The following SLC18A2 variants were observed in gnomAD, a reference collection of about 807,000 sequenced individuals.
The protein encoded by SLC18A2 is synaptic vesicular amine transporter.
In SLC18A2, 33 loss-of-function variants were observed where a neutral mutation model predicts 59.2. That is an observed-to-expected ratio of 0.56 (90% CI 0.42 to 0.75). The LOEUF (loss-of-function observed/expected upper bound fraction) is 0.75. Among genes scored for constraint, SLC18A2 ranks in the 30% least tolerant of loss-of-function variants. The pLI is 0.00. For missense variants in SLC18A2, 569 were observed against 668.6 expected, an observed-to-expected ratio of 0.85 and a Z score of 1.64; for synonymous variants, 228 against 253.5, an observed-to-expected ratio of 0.90 and a Z score of 0.95.
intron 3 of SLC18A2, among the ~76,000 whole-genome samples, chr10:117,250,533 A>G (rs1053921348): frequency 6.6e-6 from 1 of 152,204 alleles, no homozygotes; most frequent in Admixed American, 6.5e-5. Context: ...CAGTACCTCA[A>G]ATGGTAAAAA....
At chr10:117,258,582 T>A (rs919528466) in intron 10 of SLC18A2, among the ~76,000 whole-genome samples, 6 of 151,650 alleles carry the variant, frequency 4.0e-5, no homozygotes, top group African/African-American at 1.2e-4. Context: ...TATTTTTTTT[T>A]ATCAAAGTTA....
Position 117,244,111 on chromosome 10 carries a change from G to A in SLC18A2, c.262G>A (p.Val88Ile), listed in dbSNP as rs1303704268. Residue 88 changes from valine (V) to isoleucine (I), a missense_variant, in exon 3 of 16, where the codon GTC becomes ATC. Physicochemically the swap from Val to Ile is conservative, Grantham distance 29. Around this residue, in one of 2 missense-constraint regions of SLC18A2, gnomAD observed 377 missense variants for 389.8 expected, o/e 0.97. Transcript: ENST00000644641. The part of the protein sequence containing the change: ...IFSYYDNSTM[V>I]TGNATRDLTL... ...CTCCTATTATGATAACTCGACTATG[G>A]TCACCGGGAATGCTACCAGAGACCT... The A allele has an allele frequency of 6.2e-7, 1 of 1,614,184 alleles. No individual in the cohort carries two copies. The highest frequency in any genetic ancestry group is 1.1e-5 in the South Asian group (1 of 91,078).
intron 2 of SLC18A2, 48 bp downstream of exon 2, chr10:117,241,862 C>T (rs751719509): frequency 3.9e-6 from 6 of 1,548,922 alleles, no homozygotes; most frequent in Admixed American, 1.8e-5. Flanking sequence ...GCCCCAGCGC[C>T]CCTTCCCCGG....
intron 3 of SLC18A2, among the ~76,000 whole-genome samples, chr10:117,248,519 T>C (rs921564973): frequency 6.6e-6 from 1 of 152,208 alleles, no homozygotes; most frequent in Non-Finnish European, 1.5e-5. Context: ...TGACCTGATT[T>C]CCATGTTGGA....
In SLC18A2 at chr10:117,255,578, C is replaced by T. The variant is rs893575984; in HGVS notation, c.835-19C>T. ...AGGGGGCATGGTGCTGCTTCTGACC[C>T]GTGTTTTTTTCTTGACAGAGTCAGA... On this transcript the variant is annotated intron_variant, in intron 8 of 15. Coordinates refer to ENST00000644641, the MANE Select transcript of SLC18A2 (RefSeq NM_003054.6). 6.2e-5 allele frequency: 100 copies of T among 1,614,046 alleles called. No individual in the cohort carries two copies. The highest frequency in any genetic ancestry group is 7.6e-5 in the Non-Finnish European group (90 of 1,180,002).
At chr10:117,248,905 C>G (rs1180513373) in intron 3 of SLC18A2, among the ~76,000 whole-genome samples, 3 of 152,200 alleles carry the variant, frequency 2.0e-5, no homozygotes, top group Non-Finnish European at 4.4e-5. Flanking sequence ...TCTCAGTGAT[C>G]TGCTTTTTAT....
intron 10 of SLC18A2, among the ~76,000 whole-genome samples, chr10:117,258,573 ATT>A (rs34975750): frequency 0.71 from 105,639 of 148,602 alleles, 38,189 homozygotes; most frequent in Non-Finnish European, 0.83. Context: ...ATTAAATTTT[ATT>A]TTTTTTTATC....
At chr10:117,275,557 A>G (rs363278) in intron 15 of SLC18A2, among the ~76,000 whole-genome samples, 115,054 of 152,156 alleles carry the variant, frequency 0.76, 44,417 homozygotes, top group Non-Finnish European at 0.85. Context: ...CTCTGTGCTC[A>G]TCTAACTACC....
intron 3 of SLC18A2, among the ~76,000 whole-genome samples, chr10:117,250,789 G>A (rs939560833): frequency 6.6e-6 from 1 of 152,206 alleles, no homozygotes. Context: ...CAGCATGCTG[G>A]TTCCCTGCCT....
chr10:117,242,579 G>C (rs1200632632), intron 2 of SLC18A2, among the ~76,000 whole-genome samples: 1 of 152,154 alleles, frequency 6.6e-6, no homozygotes, highest in African/African-American at 2.4e-5. Flanking sequence ...GTTTCATCTC[G>C]AGGAGTTATC....
chr10:117,260,422 G>A (rs549450138), intron 10 of SLC18A2, among the ~76,000 whole-genome samples: 7 of 152,230 alleles, frequency 4.6e-5, no homozygotes, highest in African/African-American at 7.2e-5. Flanking sequence ...CATTCTCTGC[G>A]GTGTCCTCTG....
chr10:117,241,718 G>T lies in SLC18A2; in HGVS notation c.25G>T (p.Val9Phe). MALSELAL[V>F]RWLQESRRSR... ...CATGGCCCTGAGCGAGCTGGCGCTG[G>T]TCCGCTGGCTGCAGGAGAGCCGCCG... Residue 9 changes from valine (V) to phenylalanine (F), a missense_variant, in exon 2 of 16, where the codon GTC (valine) becomes TTC (phenylalanine). Coordinates refer to ENST00000644641, the MANE Select transcript of SLC18A2 (RefSeq NM_003054.6). The T allele has an allele frequency of 1.2e-6, 2 of 1,604,366 alleles. No individual in the cohort carries two copies. The highest frequency in any genetic ancestry group is 1.7e-6 in the Non-Finnish European group (2 of 1,176,598).
At chr10:117,251,336 C>T (rs978391526) in intron 3 of SLC18A2, among the ~76,000 whole-genome samples, 2 of 152,140 alleles carry the variant, frequency 1.3e-5, no homozygotes, top group African/African-American at 2.4e-5. Flanking sequence ...GATTCAGTAT[C>T]CTGCAGTGCC....
chr10:117,257,877 C>T lies in SLC18A2; in HGVS notation c.976C>T (p.Arg326Ter). The T allele has an allele frequency of 2.5e-6, 4 of 1,611,006 alleles. No individual in the cohort carries two copies. The highest frequency in any genetic ancestry group is 2.5e-6 in the Non-Finnish European group (3 of 1,178,466). The stretch of plus-strand genomic sequence containing the variant: ...CTGGATGATGGAGACCATGTGTTCC[C>T]GAAAGTGGCAGCTGGGTAAGGACTG... ...PIWMMETMCS[R>*]KWQLGVAFLP... is the part of the protein sequence containing the mutation. Residue 326 changes from arginine (R) to a stop codon, truncating the protein, a stop_gained, in exon 10 of 16, where the codon CGA (arginine) becomes TGA (stop). Coordinates refer to ENST00000644641, the MANE Select transcript of SLC18A2 (RefSeq NM_003054.6). LOFTEE classifies it high-confidence loss of function.
At chr10:117,244,886 G>A (rs1343988310) in intron 3 of SLC18A2, among the ~76,000 whole-genome samples, 1 of 152,240 alleles carries the variant, frequency 6.6e-6, no homozygotes, top group Non-Finnish European at 1.5e-5. Flanking sequence ...TGGCTACGTA[G>A]CCACGTCCAC....
intron 3 of SLC18A2, among the ~76,000 whole-genome samples, chr10:117,249,909 T>A (rs894056800): frequency 1.3e-5 from 2 of 152,234 alleles, no homozygotes; most frequent in African/African-American, 2.4e-5. Context: ...GCTAAAGGTT[T>A]GCTGAATCAG....
intron 4 of SLC18A2, among the ~76,000 whole-genome samples, 167 bp downstream of exon 4, chr10:117,253,624 T>C (rs980136112): frequency 2.6e-5 from 4 of 151,808 alleles, no homozygotes; most frequent in African/African-American, 9.7e-5. Context: ...GGTGGGCGGA[T>C]CATCTGAGGT....
intron 10 of SLC18A2, among the ~76,000 whole-genome samples, chr10:117,261,958 A>C (rs1215828879): frequency 1.3e-5 from 2 of 152,030 alleles, no homozygotes; most frequent in Non-Finnish European, 2.9e-5. Context: ...CCCAGGCTGG[A>C]GTGCAGTGGC....
rs557625976 is a variant in SLC18A2, at chr10:117,271,383, C to G, written c.1440+920C>G. Among the ~76,000 whole-genome samples, 19 of 152,318 alleles carry G rather than the reference C, an allele frequency of 1.2e-4. No homozygotes were observed. The South Asian group carries it at 1.4e-3, about 12-fold the overall frequency. The stretch of plus-strand genomic sequence containing the variant: ...ATGCATCTTAATGCTTTGGCATTTC[C>G]TGAACTGCCCTTTGATGCTTTTCCC... On this transcript the variant is annotated intron_variant, in intron 15 of 15. Coordinates refer to ENST00000644641, the MANE Select transcript of SLC18A2 (RefSeq NM_003054.6).
Sources: gnomAD v4.1 joint callset for allele counts (sites outside exome capture counted in the v4.1 genomes callset) on GRCh38, gnomAD v4.1.1 for gene constraint, gnomAD v4.1.1 regional missense constraint, MANE v1.5 for transcripts, NCBI Gene and HGNC (gene_info 2026-07-23, HGNC 2026-07-21) for gene names.